Variants in BOD1L1 observed in about 807,000 individuals in gnomAD.
The protein encoded by BOD1L1 is biorientation of chromosomes in cell division protein 1-like 1.
BOD1L1 carries 86 observed loss-of-function variants against 240.7 expected under a neutral mutation model. The ratio of observed to expected loss-of-function variants is 0.36; its 90% CI spans 0.30 to 0.43. The LOEUF is 0.43. BOD1L1 is among the 20% of genes least tolerant of loss of function. BOD1L1 has a pLI of 1.00. For missense variants in BOD1L1, 3,554 were observed against 3,643.5 expected, an observed-to-expected ratio of 0.98 and a Z score of 0.63; for synonymous variants, 1,268 against 1,272.3, an observed-to-expected ratio of 1.00 and a Z score of 0.07.
chr4:13,604,220 G>C lies in BOD1L1; in HGVS notation c.2680C>G (p.His894Asp), dbSNP rs774968349. The change falls in exon 10 of 26, where the codon CAC becomes GAC. Residue 894 changes from histidine to aspartate, a missense_variant. Physicochemically the swap from His to Asp is moderately conservative, Grantham distance 81. Around this residue, in one of 2 missense-constraint regions of BOD1L1, gnomAD observed 3,393 missense variants for 3,427.1 expected, o/e 0.99. Transcript: ENST00000040738. ...CTCTTTGTTCGTCGTTTCTCCTTGT[G>C]AACAACCTCTTCTGGTTTCAAATTA... ...DSNLKPEEVV[H>D]KEKRRTKSLL... 6.2e-7 allele frequency: 1 copy of C among 1,613,532 alleles called. No homozygotes were observed. The highest frequency in any genetic ancestry group is 1.3e-5 in the African/African-American group (1 of 74,890).
At position 13,627,552 on chromosome 4, in the gene BOD1L1, C is replaced by T; in HGVS notation, c.36G>A (p.Pro12=). Residue 12 remains proline (P), a synonymous_variant, in exon 1 of 26, where the codon CCG becomes CCA. Transcript: ENST00000040738. ...GCTGCGGCGGGGGAGGCGGCGGCGCCGGAGGAGGCGGCTGCGGCTGTGGGT... is the reference window on the plus strand; with the variant it reads ...GCTGCGGCGGGGGAGGCGGCGGCGCTGGAGGAGGCGGCTGCGGCTGTGGGT... ...ATNPQPQPPP[P]APPPPPPQPQ... The T allele has an allele frequency of 8.8e-7, 1 of 1,134,948 alleles. No homozygotes were observed. Among genetic ancestry groups the T allele is most frequent in the Non-Finnish European group, 1.1e-6 (1 of 925,670 alleles). 70.3% of individuals were successfully genotyped at this position (1,134,948 alleles called of 1,614,324 possible).
intron 6 of BOD1L1, among the ~76,000 whole-genome samples, chr4:13,609,728 A>G (rs1353531045): frequency 6.6e-6 from 1 of 152,224 alleles, no homozygotes; most frequent in Non-Finnish European, 1.5e-5. Flanking sequence ...GGTTGTTTCA[A>G]TTAAAATGAT....
intron 10 of BOD1L1, 55 bp from the exon 11 acceptor site, chr4:13,597,223 C>A: frequency 1.5e-6 from 2 of 1,379,170 alleles, no homozygotes; most frequent in Middle Eastern, 1.8e-4. Context: ...CAAAATACAT[C>A]TGGGGTCAAA....
At chr4:13,590,082 AG>A (rs1191035227) in intron 14 of BOD1L1, among the ~76,000 whole-genome samples, 1 of 152,208 alleles carries the variant, frequency 6.6e-6, no homozygotes, top group Non-Finnish European at 1.5e-5. Context: ...TGCAATCCAC[AG>A]GGGGCTATTC....
At chr4:13,608,507 A>G (rs1163081138) in intron 8 of BOD1L1, 23 bp downstream of exon 8, 1 of 1,499,124 alleles carries the variant, frequency 6.7e-7, no homozygotes, top group Non-Finnish European at 8.9e-7. Context: ...TATAAGGGAA[A>G]CATGACCAGA....
chr4:13,599,973 G>A lies in BOD1L1; in HGVS notation c.6927C>T (p.Val2309=). ...TGGTGAGCCGATCTTCATCCTGGAG[G>A]ACAGCACCAATCATGACTGCTTCAC... ...EGCEAVMIGA[V]LQDEDRLTIT... The change falls in exon 10 of 26, where the codon GTC becomes GTT. Residue 2309 remains valine (V), a synonymous_variant. Coordinates refer to ENST00000040738, the MANE Select transcript of BOD1L1 (RefSeq NM_148894.3). 1 of 1,611,652 alleles carries A rather than the reference G, an allele frequency of 6.2e-7. No homozygotes were observed.
At position 13,581,217 on chromosome 4, in the gene BOD1L1, A is replaced by G. The variant is rs1345478723; in HGVS notation, c.8593-10T>C. The G allele has an allele frequency of 6.5e-7, 1 of 1,531,770 alleles. No individual in the cohort carries two copies. Among genetic ancestry groups the G allele is most frequent in the East Asian group, 2.4e-5 (1 of 42,120 alleles). 94.9% of individuals were successfully genotyped at this position (1,531,770 alleles called of 1,614,324 possible). On this transcript the variant is annotated splice_polypyrimidine_tract_variant and intron_variant, in intron 19 of 25. Transcript: ENST00000040738. The stretch of plus-strand genomic sequence containing the variant: ...TTATTGGCTGATCTTCCTAAGGGGG[A>G]AATAAAAAACAACAACAGCAATAAG...
At position 13,601,807 on chromosome 4, in the gene BOD1L1, C is replaced by A; in HGVS notation, c.5093G>T (p.Arg1698Ile). ...GAVTSAGTEI[R>I]AGSISSEEVD... ...CTCTTCACTGCTTATAGATCCTGCT[C>A]TTATCTCTGTTCCAGCACTTGTAAC... Residue 1698 changes from arginine to isoleucine, a missense_variant, in exon 10 of 26, where the codon AGA becomes ATA. By Grantham distance (97) the Arg-to-Ile change is moderately conservative. Around this residue, in one of 2 missense-constraint regions of BOD1L1, gnomAD observed 3,393 missense variants for 3,427.1 expected, o/e 0.99. Coordinates refer to ENST00000040738, the MANE Select transcript of BOD1L1 (RefSeq NM_148894.3). 1 of 1,614,014 alleles carries A rather than the reference C, an allele frequency of 6.2e-7. No individual in the cohort carries two copies. The highest frequency in any genetic ancestry group is 8.5e-7 in the Non-Finnish European group (1 of 1,179,894).
rs755111547 is a variant in BOD1L1, at chr4:13,570,003, G to T, written c.*8C>A. On this transcript the variant is annotated 3_prime_UTR_variant, in exon 26 of 26. Transcript: ENST00000040738. ...TCCTCCATAAGCCTAGGGCAGCAGT[G>T]GTCAGGATTATCGCTTCGCTTTTTT... 1.9e-6 allele frequency: 3 copies of T among 1,583,288 alleles called. No homozygotes were observed. The highest frequency in any genetic ancestry group is 2.6e-6 in the Non-Finnish European group (3 of 1,165,500).
chr4:13,572,082 A>T (rs1712255762), intron 25 of BOD1L1, among the ~76,000 whole-genome samples: 1 of 152,230 alleles, frequency 6.6e-6, no homozygotes, highest in Non-Finnish European at 1.5e-5. Context: ...TAGAGCTCAG[A>T]GGGGTAAATA....
chr4:13,581,467 T>C (rs1001980862), intron 19 of BOD1L1, among the ~76,000 whole-genome samples: 2 of 152,220 alleles, frequency 1.3e-5, no homozygotes, highest in Non-Finnish European at 2.9e-5. Context: ...GTAATCAAAG[T>C]GTAACCTTTT....
rs1195650172 is a variant in BOD1L1, at chr4:13,603,787, T to C, written c.3113A>G (p.Asn1038Ser). The C allele has an allele frequency of 6.2e-7, 1 of 1,613,514 alleles. No individual in the cohort carries two copies. Among genetic ancestry groups the C allele is most frequent in the South Asian group, 1.1e-5 (1 of 91,010 alleles). ...TTTACCATCCTTGTCATCTGATTTA[T>C]TTTCGTCCTTCTTTTTTATGTCTTT... ...SSKDIKKKDE[N>S]KSDDKDGKEV... is the part of the protein sequence containing the mutation. The change falls in exon 10 of 26, where the codon AAT (asparagine) becomes AGT (serine). Residue 1038 changes from asparagine to serine, a missense_variant. By Grantham distance (46) the Asn-to-Ser change is conservative. Coordinates refer to ENST00000040738, the MANE Select transcript of BOD1L1 (RefSeq NM_148894.3).
chr4:13,596,021 A>C (rs1322830947), intron 11 of BOD1L1, 77 bp from the exon 12 acceptor site: 20 of 1,201,258 alleles, frequency 1.7e-5, no homozygotes, highest in Middle Eastern at 3.9e-4. Context: ...GAATTAAACA[A>C]AAAAAAACCC....
At chr4:13,626,044 A>G (rs564428913) in intron 1 of BOD1L1, 1 of 152,390 alleles carries the variant, frequency 6.6e-6, no homozygotes, top group Non-Finnish European at 1.5e-5. Context: ...CAGAACAACT[A>G]AACATACTAT....
chr4:13,614,270 T>A lies in BOD1L1; in HGVS notation c.1100A>T (p.Lys367Ile). 6.5e-7 allele frequency: 1 copy of A among 1,546,188 alleles called. No individual in the cohort carries two copies. The highest frequency in any genetic ancestry group is 1.2e-5 in the South Asian group (1 of 82,398). Residue 367 changes from lysine (K) to isoleucine (I), a missense_variant, in exon 4 of 26, where the codon AAA (lysine) becomes ATA (isoleucine). By Grantham distance (102) the Lys-to-Ile change is moderately radical. This residue lies in a region of BOD1L1 where 3,393 missense variants were observed against 3,427.1 expected (regional missense o/e 0.99). Transcript: ENST00000040738. ...AGGAAGTTTTAAACTCTCTACTTCT[T>A]TTTCCTTTGCTTGTTTTTCATCTTT... is the stretch of plus-strand genomic sequence containing the variant. ...KVKDEKQAKE[K>I]EVESLKLPSE...
In BOD1L1 at chr4:13,604,703, T is replaced by A. The variant is rs1488311443; in HGVS notation, c.2197A>T (p.Thr733Ser). Residue 733 changes from threonine to serine, a missense_variant, in exon 10 of 26, where the codon ACT (threonine) becomes TCT (serine). Thr to Ser is a moderately conservative substitution (Grantham distance 58, BLOSUM62 1). This residue lies in a region of BOD1L1 where 3,393 missense variants were observed against 3,427.1 expected (regional missense o/e 0.99). Coordinates refer to ENST00000040738, the MANE Select transcript of BOD1L1 (RefSeq NM_148894.3). The stretch of plus-strand genomic sequence containing the variant: ...ACAGACAATTTGTCTTCCGATGGAG[T>A]TTTCTCTCTTTCAGGCTTCTCCTTG... ...SSKEKPEREK[T>S]PSEDKLSVKH... The A allele has an allele frequency of 2.5e-6, 4 of 1,596,042 alleles. No homozygotes were observed. The African/African-American group carries it at 5.5e-5, about 22-fold the overall frequency.
In BOD1L1 at chr4:13,586,471, A is replaced by G. The variant is rs893916574; in HGVS notation, c.8358T>C (p.Asp2786=). The G allele has an allele frequency of 1.2e-6, 2 of 1,600,364 alleles. No homozygotes were observed. The highest frequency in any genetic ancestry group is 1.7e-6 in the Non-Finnish European group (2 of 1,169,074). The change falls in exon 17 of 26, where the codon GAT becomes GAC. Residue 2786 remains aspartate (D), a synonymous_variant. Transcript: ENST00000040738. Reference sequence around the variant, plus strand: ...TTCTGGAATCCAGGACATCTGGATTATCATCTGTAAATCAGTTTAGACAGA... The same window carrying G: ...TTCTGGAATCCAGGACATCTGGATTGTCATCTGTAAATCAGTTTAGACAGA... ...HYLSSEDEPD[D]NPDVLDSRIE...
chr4:13,600,691 A>C lies in BOD1L1; in HGVS notation c.6209T>G (p.Val2070Gly). 1.9e-6 allele frequency: 3 copies of C among 1,613,742 alleles called. No individual in the cohort carries two copies. The highest frequency in any genetic ancestry group is 2.5e-6 in the Non-Finnish European group (3 of 1,179,836). ...TGTGGTACTGGTGGAAATAATCAAA[A>C]CTTTGCCTTGATTTTTACCCCCTGC... ...SLAGGKNQGK[V>G]LIISTSTTND... Residue 2070 changes from valine to glycine, a missense_variant, in exon 10 of 26, where the codon GTT (valine) becomes GGT (glycine). Val to Gly is a moderately radical substitution (Grantham distance 109). Transcript: ENST00000040738.
chr4:13,613,693 A>T lies in BOD1L1; in HGVS notation c.1175-32T>A. ...GCGGAAAATAAAACACAGAAAAAAA[A>T]ATCATCTTATTATAAGAACATACTC... On this transcript the variant is annotated intron_variant, in intron 4 of 25. Coordinates refer to ENST00000040738, the MANE Select transcript of BOD1L1 (RefSeq NM_148894.3). This position sits in a 1 kb window ranked among gnomAD's most constrained non-coding sequence, Gnocchi z 4.0. 6.8e-7 allele frequency: 1 copy of T among 1,472,984 alleles called. No homozygotes were observed. Among genetic ancestry groups the T allele is most frequent in the East Asian group, 2.3e-5 (1 of 42,946 alleles). 91.2% of individuals were successfully genotyped at this position (1,472,984 alleles called of 1,614,324 possible).
Sources: gnomAD v4.1 joint callset for allele counts (sites outside exome capture counted in the v4.1 genomes callset) on GRCh38, gnomAD v4.1.1 for gene constraint, gnomAD v4.1.1 regional missense constraint, Gnocchi (gnomAD v3.1) non-coding constraint, MANE v1.5 for transcripts, NCBI Gene and HGNC (gene_info 2026-07-23, HGNC 2026-07-21) for gene names.